APOBEC1: variants seen among roughly 807,000 people sequenced by gnomAD.
APOBEC1 encodes the protein C->U-editing enzyme APOBEC-1.
APOBEC1 carries 22 observed loss-of-function variants against 26.3 expected under a neutral mutation model. The ratio of observed to expected loss-of-function variants is 0.84; its 90% CI spans 0.60 to 1.19. The LOEUF (loss-of-function observed/expected upper bound fraction) is 1.19, where lower values mean the gene tolerates loss of function less well. Ranked by LOEUF, APOBEC1 falls within the 50% of genes most tolerant of loss-of-function variation. APOBEC1 has a pLI of 0.00. For missense variants in APOBEC1, 253 were observed against 289.0 expected, an observed-to-expected ratio of 0.88 and a Z score of 0.90; for synonymous variants, 77 against 95.3, an observed-to-expected ratio of 0.81 and a Z score of 1.12.
rs999732016 is a variant in APOBEC1, at chr12:7,650,926, T to C, written c.561+97A>G. On this transcript the variant is annotated intron_variant, in intron 4 of 4. Coordinates refer to ENST00000229304, the MANE Select transcript of APOBEC1 (RefSeq NM_001644.5). ...TTAAATAACTAAATCTCAATATAAATGTCAAAAAGAAGATATGAGTCAAAT... is the reference window on the plus strand; with the variant it reads ...TTAAATAACTAAATCTCAATATAAACGTCAAAAAGAAGATATGAGTCAAAT... The C allele has an allele frequency of 4.8e-6, 4 of 837,470 alleles. No individual in the cohort carries two copies. In the East Asian group the frequency reaches 9.7e-5, roughly 20 times the overall value. The allele number at this position is 837,470 out of a possible 1,614,324, so 51.9% of individuals were successfully genotyped here.
In APOBEC1 at chr12:7,652,675, T is replaced by A; in HGVS notation, c.205A>T (p.Lys69Ter). The A allele has an allele frequency of 6.2e-7, 1 of 1,614,120 alleles. No individual in the cohort carries two copies. Among genetic ancestry groups the A allele is most frequent in the Non-Finnish European group, 8.5e-7 (1 of 1,179,990 alleles). The change falls in exon 3 of 5, where the codon AAA becomes TAA. Residue 69 changes from lysine (K) to a stop codon, truncating the protein, a stop_gained. Transcript: ENST00000229304. LOFTEE classifies it high-confidence loss of function. ...TGAAAATCTCTTTCTGACGTAAATT[T>A]TTTTATAAAATTAACTTCCACGTGA... ...TNHVEVNFIKKFTSERDFHPS... is the reference protein window; with the variant it reads ...TNHVEVNFIK
chr12:7,659,812 A>G (rs1863777770), intron 1 of APOBEC1, among the ~76,000 whole-genome samples: 1 of 151,952 alleles, frequency 6.6e-6, no homozygotes, highest in African/African-American at 2.4e-5. Flanking sequence ...TACTAAAAAT[A>G]CAAAAAACTG....
chr12:7,664,438 C>T (rs1047900220), intron 1 of APOBEC1, among the ~76,000 whole-genome samples: 1 of 152,200 alleles, frequency 6.6e-6, no homozygotes, highest in Non-Finnish European at 1.5e-5. Context: ...TCGAAGTCCT[C>T]TATAGTATAA....
rs781759638 is a variant in APOBEC1 at position 7,661,308 on chromosome 12, C to T, written c.16+4549G>A. Reference sequence around the variant, plus strand: ...GAGCTGAAAAACTTCCCATTGGGTACTATGTTCACTATCTCGGTAGCAGAG... The same window carrying T: ...GAGCTGAAAAACTTCCCATTGGGTATTATGTTCACTATCTCGGTAGCAGAG... On this transcript the variant is annotated intron_variant, in intron 1 of 4. Coordinates refer to ENST00000229304, the MANE Select transcript of APOBEC1 (RefSeq NM_001644.5). Among the ~76,000 whole-genome samples the T allele has an allele frequency of 2.6e-5, 4 of 151,466 alleles. No individual in the cohort carries two copies. In the South Asian group the frequency reaches 6.3e-4, roughly 24 times the overall value.
chr12:7,665,022 T>G (rs1034818522), intron 1 of APOBEC1, among the ~76,000 whole-genome samples: 8 of 152,016 alleles, frequency 5.3e-5, no homozygotes, highest in African/African-American at 1.9e-4. Context: ...CTGGGCGAAG[T>G]AGTGAACCCA....
intron 1 of APOBEC1, among the ~76,000 whole-genome samples, chr12:7,656,728 C>A (rs1863719999): frequency 6.6e-6 from 1 of 152,278 alleles, no homozygotes; most frequent in East Asian, 1.9e-4. Flanking sequence ...ACAAGGTTGT[C>A]GGAAGACTCA....
At chr12:7,655,301 G>T (rs1439230553) in intron 1 of APOBEC1, among the ~76,000 whole-genome samples, 1 of 151,728 alleles carries the variant, frequency 6.6e-6, no homozygotes, top group South Asian at 2.1e-4. Flanking sequence ...ATCTGAGGTC[G>T]GGAGTTCCAG....
At chr12:7,660,660 G>A (rs2136852454) in intron 1 of APOBEC1, among the ~76,000 whole-genome samples, 1 of 140,704 alleles carries the variant, frequency 7.1e-6, no homozygotes, top group African/African-American at 2.6e-5. Context: ...CCAAGAATGT[G>A]CCACTGCACT....
At position 7,665,846 on chromosome 12, in the gene APOBEC1, A is replaced by C. The variant is rs1863886471; in HGVS notation, c.16+11T>G. On this transcript the variant is annotated intron_variant, in intron 1 of 4. Coordinates refer to ENST00000229304, the MANE Select transcript of APOBEC1 (RefSeq NM_001644.5). ...TCAAGAATACTTGCCAAGCCCCCGG[A>C]TCCATTTTACCTTTCTCAGAAGTCA... 6.2e-6 allele frequency: 10 copies of C among 1,610,026 alleles called. No homozygotes were observed. The highest frequency in any genetic ancestry group is 7.6e-6 in the Non-Finnish European group (9 of 1,179,012).
intron 4 of APOBEC1, among the ~76,000 whole-genome samples, chr12:7,650,550 C>G (rs556671349): frequency 8.5e-5 from 13 of 152,202 alleles, no homozygotes; most frequent in Non-Finnish European, 1.8e-4. Context: ...ACTTCTTGTT[C>G]TTAGGCTTAG....
upstream of APOBEC1, among the ~76,000 whole-genome samples, chr12:7,669,993 C>A (rs757239237): frequency 1.3e-5 from 2 of 151,614 alleles, no homozygotes; most frequent in Non-Finnish European, 2.9e-5. Context: ...CACCTCCCAC[C>A]CACCCTGGAG....
chr12:7,660,378 A>AGGAAGGAAGGAAGGACGGAC (rs1257234032), intron 1 of APOBEC1, among the ~76,000 whole-genome samples: 1 of 100,800 alleles, frequency 9.9e-6, no homozygotes. Flanking sequence ...GAAGGAAGGA[A>AGGAAGGAAGGAAGGACGGAC]AGAAAGAAAG....
intron 1 of APOBEC1, among the ~76,000 whole-genome samples, chr12:7,659,396 A>C (rs1393793251): frequency 1.7e-5 from 2 of 118,848 alleles, no homozygotes; most frequent in African/African-American, 2.8e-5. Flanking sequence ...CACACACACA[A>C]AAGGAACTAC....
chr12:7,665,088 C>T (rs771571838), intron 1 of APOBEC1, among the ~76,000 whole-genome samples: 1 of 152,228 alleles, frequency 6.6e-6, no homozygotes, highest in African/African-American at 2.4e-5. Context: ...CTACACTTCT[C>T]TTAGAATCCA....
At chr12:7,666,231 G>GT (rs919609369), upstream of APOBEC1, among the ~76,000 whole-genome samples, 36 of 151,584 alleles carry the variant, frequency 2.4e-4, no homozygotes, top group African/African-American at 8.5e-4. Context: ...ATTCTTTTTT[G>GT]TTTTGTTTTG....
At chr12:7,654,657 C>T in intron 1 of APOBEC1, 25 bp from the exon 2 acceptor site, 1 of 1,612,580 alleles carries the variant, frequency 6.2e-7, no homozygotes, top group Non-Finnish European at 8.5e-7. Context: ...ATGATTATGT[C>T]AAACAACACT....
At chr12:7,655,356 C>CA (rs146934350) in intron 1 of APOBEC1, among the ~76,000 whole-genome samples, 21,764 of 149,080 alleles carry the variant, frequency 0.15, 1,799 homozygotes, top group South Asian at 0.29. Context: ...ACTAAAAATA[C>CA]AAAAAAAAAT....
rs1863660937 is a variant in APOBEC1, at chr12:7,652,716, C to T, written c.164G>A (p.Gly55Asp). The change falls in exon 3 of 5, where the codon GGC becomes GAC. Residue 55 changes from glycine (G) to aspartate (D), a missense_variant. Gly to Asp is a moderately conservative substitution (Grantham distance 94). Transcript: ENST00000229304. ...TTCCACGTGATTGGTGGTGTTTTTGCCTGAGCTTCGCCAGATCTTCCGGCT... is the reference window on the plus strand; with the variant it reads ...TTCCACGTGATTGGTGGTGTTTTTGTCTGAGCTTCGCCAGATCTTCCGGCT... ...GMSRKIWRSS[G>D]KNTTNHVEVN... 2.2e-5 allele frequency: 35 copies of T among 1,614,064 alleles called. No individual in the cohort carries two copies. The highest frequency in any genetic ancestry group is 3.0e-5 in the Non-Finnish European group (35 of 1,180,018).
intron 1 of APOBEC1, among the ~76,000 whole-genome samples, chr12:7,657,865 G>A (rs1326498029): frequency 6.6e-6 from 1 of 151,916 alleles, no homozygotes; most frequent in African/African-American, 2.4e-5. Context: ...AAGAGAGACA[G>A]ACCCTGTCTC....
Sources: gnomAD v4.1 joint callset for allele counts (sites outside exome capture counted in the v4.1 genomes callset) on GRCh38, gnomAD v4.1.1 for gene constraint, MANE v1.5 for transcripts, NCBI Gene and HGNC (gene_info 2026-07-23, HGNC 2026-07-21) for gene names.